Variants in KCNIP4 observed in about 807,000 individuals in gnomAD.
KCNIP4 encodes the protein potassium voltage-gated channel interacting protein 4.
A neutral mutation model predicts 34.0 loss-of-function variants in KCNIP4; 12 were observed. That is an observed-to-expected ratio of 0.35 (90% CI 0.23 to 0.57). The LOEUF is 0.57. Ranked by LOEUF, KCNIP4 falls within the 20% of genes least tolerant of loss-of-function variation. The pLI, the probability that KCNIP4 is intolerant of heterozygous loss-of-function variation, is 0.83. For synonymous variants in KCNIP4, 124 were observed against 102.2 expected (o/e 1.21, Z -1.29); for missense variants, 238 against 311.7 (o/e 0.76, Z 1.78).
intron 1 of KCNIP4, among the ~76,000 whole-genome samples, chr4:20,884,311 A>G (rs751035503): frequency 6.6e-5 from 10 of 152,282 alleles, no homozygotes; most frequent in Admixed American, 5.2e-4. Context: ...TGCACCTATC[A>G]GCCCATCATC....
intron 1 of KCNIP4, among the ~76,000 whole-genome samples, chr4:21,129,447 C>A (rs549473216): frequency 6.6e-6 from 1 of 152,166 alleles, no homozygotes; most frequent in Non-Finnish European, 1.5e-5. Context: ...TCCAGGATCA[C>A]CCCACTGGGA....
chr4:20,852,742 G>T (rs1443527469), intron 2 of KCNIP4, among the ~76,000 whole-genome samples: 2 of 152,152 alleles, frequency 1.3e-5, no homozygotes, highest in African/African-American at 4.8e-5. Context: ...GACTTCTCCA[G>T]AAAGCTCCTA....
At chr4:20,927,822 T>C (rs149108829) in intron 1 of KCNIP4, among the ~76,000 whole-genome samples, 1 of 152,310 alleles carries the variant, frequency 6.6e-6, no homozygotes, top group African/African-American at 2.4e-5. Context: ...TCATAAATGC[T>C]ACATTTATCT....
rs1232275396 is a variant in KCNIP4, at chr4:21,291,941, A to G, written c.62-409232T>C. ...AAAGAAAGAAAGAAAGAAAGAAAAAAAAAGAAAAAAGTCTGATGAATAAAT... is the reference window on the plus strand; with the variant it reads ...AAAGAAAGAAAGAAAGAAAGAAAAAGAAAGAAAAAAGTCTGATGAATAAAT... On this transcript the variant is annotated intron_variant, in intron 1 of 8. Coordinates refer to ENST00000382152, the MANE Select transcript of KCNIP4 (RefSeq NM_025221.6). Among the ~76,000 whole-genome samples, 18 of 96,248 alleles carry G rather than the reference A, an allele frequency of 1.9e-4. 5 individuals are homozygous for G. Among genetic ancestry groups the G allele is most frequent in the African/African-American group, 8.8e-4 (13 of 14,844 alleles). 63.1% of individuals were successfully genotyped at this position (96,248 alleles called of 152,430 possible).
chr4:21,152,474 A>G (rs948045603), intron 1 of KCNIP4, among the ~76,000 whole-genome samples: 5 of 151,976 alleles, frequency 3.3e-5, no homozygotes, highest in African/African-American at 9.7e-5. Context: ...TGCTTCTATC[A>G]CTGCCCCACC....
At chr4:20,969,464 C>A (rs1185107547) in intron 1 of KCNIP4, among the ~76,000 whole-genome samples, 2 of 152,138 alleles carry the variant, frequency 1.3e-5, no homozygotes, top group Admixed American at 6.6e-5. Flanking sequence ...CCTGACACTG[C>A]AGTGACCCAA....
intron 1 of KCNIP4, among the ~76,000 whole-genome samples, chr4:21,657,093 T>G (rs1560598963): frequency 6.6e-6 from 1 of 152,302 alleles, no homozygotes; most frequent in Non-Finnish European, 1.5e-5. Context: ...GTGTGATGAA[T>G]AATAATAACA....
At chr4:21,046,885 G>A (rs1475513196) in intron 1 of KCNIP4, among the ~76,000 whole-genome samples, 2 of 152,144 alleles carry the variant, frequency 1.3e-5, no homozygotes, top group Non-Finnish European at 2.9e-5. Flanking sequence ...CAGCCACCGC[G>A]CCTGGTCAGT....
chr4:21,610,995 T>C (rs1744116458), intron 1 of KCNIP4, among the ~76,000 whole-genome samples: 1 of 149,922 alleles, frequency 6.7e-6, no homozygotes, highest in Non-Finnish European at 1.5e-5. Context: ...CAGGCCCCAG[T>C]GTGTGATGTT....
chr4:21,853,418 T>C (rs1407710360), intron 1 of KCNIP4, among the ~76,000 whole-genome samples: 3 of 152,186 alleles, frequency 2.0e-5, no homozygotes, highest in African/African-American at 7.2e-5. Flanking sequence ...GAATAAGTCA[T>C]ATAATATTTT....
chr4:20,961,732 T>C (rs1203450924), intron 1 of KCNIP4, among the ~76,000 whole-genome samples: 1 of 151,946 alleles, frequency 6.6e-6, no homozygotes, highest in Non-Finnish European at 1.5e-5. Context: ...ATCTCAGAGG[T>C]CCCTGGACAG....
At chr4:21,064,459 A>G (rs1386018334) in intron 1 of KCNIP4, among the ~76,000 whole-genome samples, 2 of 152,084 alleles carry the variant, frequency 1.3e-5, no homozygotes, top group East Asian at 3.9e-4. Flanking sequence ...AATAGTATGT[A>G]CACTGGATTT....
At chr4:20,976,312 T>G (rs1735486003) in intron 1 of KCNIP4, among the ~76,000 whole-genome samples, 1 of 152,240 alleles carries the variant, frequency 6.6e-6, no homozygotes, top group African/African-American at 2.4e-5. Flanking sequence ...TAGGTGATTC[T>G]GAAGCATTCT....
intron 1 of KCNIP4, among the ~76,000 whole-genome samples, chr4:21,346,215 T>A (rs1307668343): frequency 4.7e-4 from 3 of 6,416 alleles, no homozygotes; most frequent in East Asian, 3.2e-3. Flanking sequence ...ATAATATATA[T>A]TATATATAAT....
intron 1 of KCNIP4, among the ~76,000 whole-genome samples, chr4:21,630,805 C>T (rs1745712910): frequency 6.6e-6 from 1 of 152,204 alleles, no homozygotes; most frequent in Non-Finnish European, 1.5e-5. Context: ...CAAGAAAGAG[C>T]CCAAACTCCT....
intron 1 of KCNIP4, among the ~76,000 whole-genome samples, chr4:21,050,379 T>A (rs1188223491): frequency 1.3e-5 from 2 of 152,108 alleles, no homozygotes; most frequent in East Asian, 1.9e-4. Context: ...CTGTTCCATA[T>A]CAATAGCTCT....
intron 1 of KCNIP4, among the ~76,000 whole-genome samples, chr4:21,243,645 A>T (rs1760003691): frequency 6.6e-6 from 1 of 152,188 alleles, no homozygotes; most frequent in Non-Finnish European, 1.5e-5. Context: ...AGCTGTAATT[A>T]TCAGTTGCAT....
At chr4:21,590,478 C>A (rs974618758) in intron 1 of KCNIP4, among the ~76,000 whole-genome samples, 21 of 151,812 alleles carry the variant, frequency 1.4e-4, no homozygotes, top group African/African-American at 4.8e-4. Context: ...CCTTTGCAAC[C>A]AGACAGGTTG....
chr4:20,792,724 T>A (rs181060343), intron 3 of KCNIP4, among the ~76,000 whole-genome samples: 31 of 152,238 alleles, frequency 2.0e-4, no homozygotes, highest in Admixed American at 7.9e-4. Flanking sequence ...ATCTTAAATA[T>A]TTATAGATCT....
Sources: allele counts gnomAD v4.1 joint callset (sites outside exome capture counted in the v4.1 genomes callset), GRCh38; gene constraint gnomAD v4.1.1; transcripts MANE v1.5; gene names NCBI Gene and HGNC (gene_info 2026-07-23, HGNC 2026-07-21).